Variants in ZNF185 observed in about 807,000 individuals in gnomAD.
The protein encoded by ZNF185 is zinc finger protein 185.
ZNF185 carries 56 observed loss-of-function variants against 58.6 expected under a neutral mutation model. The observed-to-expected ratio is 0.95, with a 90% CI of 0.77 to 1.19. ZNF185 has a LOEUF of 1.19. ZNF185 is among the 50% of genes most tolerant of loss of function. ZNF185 has a pLI of 0.00. For synonymous variants in ZNF185, 230 were observed against 215.9 expected (o/e 1.07, Z -0.57); for missense variants, 627 against 573.5 (o/e 1.09, Z -0.95).
intron 16 of ZNF185, among the ~76,000 whole-genome samples, chrX:152,954,213 TG>T (rs1159471080): frequency 1.8e-5 from 2 of 108,712 alleles, no homozygotes; most frequent in Non-Finnish European, 3.8e-5. Context: ...CAAGGGCCAG[TG>T]GGCAAGCAAA....
chrX:152,958,725 C>G (rs1278580506), intron 16 of ZNF185, among the ~76,000 whole-genome samples: 2 of 106,696 alleles, frequency 1.9e-5, no homozygotes, highest in African/African-American at 7.2e-5. Flanking sequence ...GACCGAAACT[C>G]CGTCTCAAAA....
At chrX:152,905,262 G>T in the ZNF185 span, among the ~76,000 whole-genome samples, 2 of 112,810 alleles carry the variant, frequency 1.8e-5, no homozygotes, top group Non-Finnish European at 3.8e-5. Flanking sequence ...CTGGCTCAGG[G>T]CTGCAGTCTG....
chrX:152,905,967 C>T, the ZNF185 span, among the ~76,000 whole-genome samples: 5 of 112,600 alleles, frequency 4.4e-5, no homozygotes, highest in African/African-American at 1.6e-4. Flanking sequence ...TAAAGCCCAA[C>T]TCTGGCTCTT....
chrX:152,939,776 GTTT>G (rs57118182), intron 15 of ZNF185, among the ~76,000 whole-genome samples: 188 of 49,835 alleles, frequency 3.8e-3, no homozygotes, highest in African/African-American at 0.015. Flanking sequence ...AATCAGAGGT[GTTT>G]TTTTTTTTTT....
intron 15 of ZNF185, among the ~76,000 whole-genome samples, chrX:152,938,491 G>A (rs1194627658): frequency 8.9e-6 from 1 of 112,096 alleles, no homozygotes; most frequent in East Asian, 2.8e-4. Context: ...CTCTCAGGCA[G>A]GGGGTGGGCA....
the ZNF185 span, among the ~76,000 whole-genome samples, chrX:152,905,719 G>T: frequency 2.1e-4 from 22 of 105,452 alleles, no homozygotes; most frequent in Admixed American, 3.9e-4. Context: ...GGCTTGGGGG[G>T]GGGGCGGGGT....
At chrX:152,899,308 G>A in the ZNF185 span, among the ~76,000 whole-genome samples, 12 of 112,703 alleles carry the variant, frequency 1.1e-4, no homozygotes, top group Non-Finnish European at 5.6e-5. Context: ...CCTGAACAGA[G>A]CTGCAGAGGT....
the ZNF185 span, among the ~76,000 whole-genome samples, chrX:152,908,847 A>AGCTCTTGT: frequency 8.8e-6 from 1 of 113,669 alleles, no homozygotes. Flanking sequence ...GCATTGGCAC[A>AGCTCTTGT]GCTCTTGTGC....
At chrX:152,923,966 C>T (rs1160017611) in intron 11 of ZNF185, among the ~76,000 whole-genome samples, 1 of 111,498 alleles carries the variant, frequency 9.0e-6, no homozygotes, top group Non-Finnish European at 1.9e-5. Flanking sequence ...ACCACAGAAA[C>T]GTATCATCTC....
exon 5 of ZNF185, chrX:152,917,330 G>A (rs781840827): frequency 1.7e-6 from 2 of 1,210,550 alleles, no homozygotes; most frequent in South Asian, 3.5e-5. Context: ...AGCCCCAGCA[G>A]CAGTTCCCCA....
At chrX:152,961,368 C>T (rs1037847204) in intron 17 of ZNF185, among the ~76,000 whole-genome samples, 1 of 112,414 alleles carries the variant, frequency 8.9e-6, no homozygotes. Flanking sequence ...AAACCTAACA[C>T]ATGGGATGCA....
intron 3 of ZNF185, among the ~76,000 whole-genome samples, chrX:152,916,518 C>T (rs1011712904): frequency 2.7e-5 from 3 of 112,108 alleles, no homozygotes; most frequent in South Asian, 3.7e-4. Flanking sequence ...CTGAACAAGG[C>T]CTGGCCGCGC....
Position 152,936,867 on chromosome X carries a change from G to C in ZNF185, c.1122-1207G>C, listed in dbSNP as rs1431472180. Among the ~76,000 whole-genome samples, 4 of 110,472 alleles carry C rather than the reference G, an allele frequency of 3.6e-5. No individual in the cohort carries two copies. In the East Asian group the frequency reaches 1.1e-3, roughly 32 times the overall value. ...GGACTACAGCCAGGTTTAGCAAGCA[G>C]GAGTCAGGGAGAAGATTCCCAGGGG... On this transcript the variant is annotated intron_variant, in intron 14 of 22. Coordinates refer to ENST00000449285, the Ensembl canonical transcript of ZNF185.
chrX:152,909,143 G>A, the ZNF185 span, among the ~76,000 whole-genome samples: 683 of 112,548 alleles, frequency 6.1e-3, 5 homozygotes, highest in African/African-American at 0.02. Context: ...GTTCACATCC[G>A]CTAATGACTG....
exon 21 of ZNF185, chrX:152,969,472 A>G (rs782714058): frequency 1.1e-5 from 13 of 1,201,494 alleles, no homozygotes; most frequent in Non-Finnish European, 1.5e-5. Flanking sequence ...GCTGCCATGA[A>G]TATTGCTTTA....
intron 16 of ZNF185, among the ~76,000 whole-genome samples, chrX:152,956,495 C>T (rs12862623): frequency 0.31 from 34,961 of 111,000 alleles, 3,952 homozygotes; most frequent in South Asian, 0.4. Context: ...TCCCAGCACT[C>T]TCGGAGGCCG....
rs1556890069 is a variant in ZNF185, at chrX:152,941,835, G to A, written c.1212-3432G>A. 10 of 1,148,495 alleles carry A rather than the reference G, an allele frequency of 8.7e-6. No individual in the cohort carries two copies. The East Asian group carries it at 2.7e-4, about 31-fold the overall frequency. 94.6% of individuals were successfully genotyped at this position (1,148,495 alleles called of 1,213,427 possible). ...GCTGGCTGCCCCTTCCCCCGCGTAA[G>A]GTCTGAAGCCGCGGCCAGAGTGGCT... On this transcript the variant is annotated intron_variant, in intron 15 of 22. Coordinates refer to ENST00000449285, the Ensembl canonical transcript of ZNF185.
chrX:152,900,108 A>G, the ZNF185 span, among the ~76,000 whole-genome samples: 1 of 112,463 alleles, frequency 8.9e-6, no homozygotes, highest in South Asian at 3.7e-4. Flanking sequence ...CCAGCGCCTC[A>G]GCTCAGCCTC....
the ZNF185 span, among the ~76,000 whole-genome samples, chrX:152,901,774 A>G: frequency 9.0e-6 from 1 of 111,659 alleles, no homozygotes; most frequent in African/African-American, 3.3e-5. Context: ...GGGCACAGAA[A>G]TGACTGAGAA....
Sources: allele counts gnomAD v4.1 joint callset (sites outside exome capture counted in the v4.1 genomes callset), GRCh38; gene constraint gnomAD v4.1.1; transcripts MANE v1.5; gene names NCBI Gene and HGNC (gene_info 2026-07-23, HGNC 2026-07-21).